Variants in CHRNA4 observed in about 807,000 individuals in gnomAD.
CHRNA4 encodes the protein neuronal acetylcholine receptor subunit alpha-4.
A neutral mutation model predicts 48.9 loss-of-function variants in CHRNA4; 28 were observed. The observed-to-expected ratio is 0.57, with a 90% CI of 0.42 to 0.79. CHRNA4 has a LOEUF of 0.79. Ranked by LOEUF, CHRNA4 falls within the 30% of genes least tolerant of loss-of-function variation. The pLI is 0.00. For missense variants in CHRNA4, 859 were observed against 898.4 expected, an observed-to-expected ratio of 0.96 and a Z score of 0.56; for synonymous variants, 425 against 402.3, an observed-to-expected ratio of 1.06 and a Z score of -0.68.
intron 4 of CHRNA4, among the ~76,000 whole-genome samples, chr20:63,353,503 G>T (rs1356795471): frequency 8.0e-6 from 1 of 125,376 alleles, no homozygotes; most frequent in Non-Finnish European, 1.8e-5. Flanking sequence ...GGTCCTAGGG[G>T]GGGCTGCGGT....
Position 63,346,879 on chromosome 20 carries a change from C to T in CHRNA4, c.1759-16G>A, listed in dbSNP as rs1379659753. On this transcript the variant is annotated splice_polypyrimidine_tract_variant and intron_variant, in intron 5 of 5. Coordinates refer to ENST00000370263, the MANE Select transcript of CHRNA4 (RefSeq NM_000744.7). The stretch of plus-strand genomic sequence containing the variant: ...CCTCCTTCACCTGCAAGCACAGACG[C>T]CGTCACTCCAGCACGGCCCGGCCGC... The T allele has an allele frequency of 1.9e-6, 3 of 1,612,122 alleles. No homozygotes were observed. Among genetic ancestry groups the T allele is most frequent in the Non-Finnish European group, 2.5e-6 (3 of 1,179,562 alleles).
intron 2 of CHRNA4, among the ~76,000 whole-genome samples, chr20:63,357,806 C>T (rs565796976): frequency 2.6e-5 from 4 of 152,316 alleles, no homozygotes; most frequent in African/African-American, 4.8e-5. Context: ...TCAGCACCCA[C>T]GTGTGCATGT....
In CHRNA4 at chr20:63,361,186, T is replaced by C. The variant is rs2068814994; in HGVS notation, c.-21A>G. ...TCCATGGCGCACGCACCTCGCGGGCTCTAGATGCGGGCGGCTCCCGGCTCC... is the reference window on the plus strand; with the variant it reads ...TCCATGGCGCACGCACCTCGCGGGCCCTAGATGCGGGCGGCTCCCGGCTCC... On this transcript the variant is annotated 5_prime_UTR_variant, in exon 1 of 6. Coordinates refer to ENST00000370263, the MANE Select transcript of CHRNA4 (RefSeq NM_000744.7). The C allele has an allele frequency of 2.1e-6, 3 of 1,460,348 alleles. No homozygotes were observed. Among genetic ancestry groups the C allele is most frequent in the African/African-American group, 1.5e-5 (1 of 67,658 alleles). 90.5% of individuals were successfully genotyped at this position (1,460,348 alleles called of 1,614,324 possible).
chr20:63,350,727 C>G lies in CHRNA4; in HGVS notation c.684G>C (p.Glu228Asp). 1 of 1,613,724 alleles carries G rather than the reference C, an allele frequency of 6.2e-7. No homozygotes were observed. Among genetic ancestry groups the G allele is most frequent in the Non-Finnish European group, 8.5e-7 (1 of 1,179,960 alleles). ...AGGCATAGGTGATGTCCGGGTAGAT[C>G]TCGGCACAGCACTCGTACTTCCTGG... ...YNTRKYECCA[E>D]IYPDITYAFV... The change falls in exon 5 of 6, where the codon GAG (glutamate) becomes GAC (aspartate). Residue 228 changes from glutamate to aspartate, a missense_variant. Around this residue, in one of 3 missense-constraint regions of CHRNA4, gnomAD observed 342 missense variants for 365.3 expected, o/e 0.94. Transcript: ENST00000370263.
rs1368110158 is a variant in CHRNA4 at position 63,356,362 on chromosome 20, C to G, written c.273+9G>C. The G allele has an allele frequency of 6.3e-7, 1 of 1,582,802 alleles. No homozygotes were observed. Among genetic ancestry groups the G allele is most frequent in the Non-Finnish European group, 8.6e-7 (1 of 1,163,910 alleles). On this transcript the variant is annotated intron_variant, in intron 3 of 5. Coordinates refer to ENST00000370263, the MANE Select transcript of CHRNA4 (RefSeq NM_000744.7). Reference sequence around the variant, plus strand: ...CAGGGGTGGGGCAGGGCAGTGCCCTCCCACTCACCTGCTTCACCCATACGT... The same window carrying G: ...CAGGGGTGGGGCAGGGCAGTGCCCTGCCACTCACCTGCTTCACCCATACGT...
Position 63,343,757 on chromosome 20 carries a change from C to T in CHRNA4, c.*2981G>A, listed in dbSNP as rs751826040. ...ATGGCGCAAGCAGCCGCAGAGGGGC[C>T]GGCGCCCCGGCAGGCTTCGAGCTGC... On this transcript the variant is annotated 3_prime_UTR_variant, in exon 6 of 6. Coordinates refer to ENST00000370263, the MANE Select transcript of CHRNA4 (RefSeq NM_000744.7). 1 of 452,886 alleles carries T rather than the reference C, an allele frequency of 2.2e-6. No homozygotes were observed. The highest frequency in any genetic ancestry group is 1.6e-5 in the South Asian group (1 of 64,418). The allele number at this position is 452,886 out of a possible 1,614,324, so 28.1% of individuals were successfully genotyped here. A position where few individuals can be genotyped will look rare whatever the true frequency, so the allele number is the denominator to read the frequency against.
intron 5 of CHRNA4, 144 bp downstream of exon 5, chr20:63,349,509 C>A: frequency 9.1e-7 from 1 of 1,100,002 alleles, no homozygotes; most frequent in Non-Finnish European, 1.3e-6. Context: ...GAAGAGGCTG[C>A]TGCAGCAGGG....
chr20:63,347,457 G>C (rs772465988), intron 5 of CHRNA4, among the ~76,000 whole-genome samples: 66 of 152,232 alleles, frequency 4.3e-4, no homozygotes, highest in Non-Finnish European at 9.1e-4. Flanking sequence ...ATATCTGAAC[G>C]GGGACAGCGG....
At position 63,349,998 on chromosome 20, in the gene CHRNA4, C is replaced by A. The variant is rs2068560582; in HGVS notation, c.1413G>T (p.Met471Ile). 1.3e-6 allele frequency: 2 copies of A among 1,546,570 alleles called. No individual in the cohort carries two copies. Among genetic ancestry groups the A allele is most frequent in the South Asian group, 2.4e-5 (2 of 81,982 alleles). ...AKARSLSVQH[M>I]SSPGEAVEGG... ...CTTCCACCGCTTCGCCAGGGCTGGA[C>A]ATGTGCTGGACGCTGAGGGACCTGG... is the stretch of plus-strand genomic sequence containing the variant. Residue 471 changes from methionine (M) to isoleucine (I), a missense_variant, in exon 5 of 6, where the codon ATG (methionine) becomes ATT (isoleucine). Physicochemically the swap from Met to Ile is conservative, Grantham distance 10. Coordinates refer to ENST00000370263, the MANE Select transcript of CHRNA4 (RefSeq NM_000744.7).
rs201983826 is a variant in CHRNA4, at chr20:63,345,042, C to T, written c.*1696G>A. The T allele has an allele frequency of 2.2e-6, 1 of 452,730 alleles. No homozygotes were observed. The highest frequency in any genetic ancestry group is 4.4e-6 in the Non-Finnish European group (1 of 225,724). The allele number at this position is 452,730 out of a possible 1,614,324, so 28.0% of individuals were successfully genotyped here. On this transcript the variant is annotated 3_prime_UTR_variant, in exon 6 of 6. Coordinates refer to ENST00000370263, the MANE Select transcript of CHRNA4 (RefSeq NM_000744.7). This position sits in a 1 kb window ranked among gnomAD's most constrained non-coding sequence, Gnocchi z 5.4. ...GGGGTGACCAGCAGCAGTTCAGAGG[C>T]AGGTGTGGGCAATGTGGGCCTGAGT...
intron 2 of CHRNA4, 161 bp downstream of exon 2, chr20:63,359,386 GC>G: frequency 1.1e-6 from 1 of 881,132 alleles, no homozygotes; most frequent in Non-Finnish European, 1.8e-6. Flanking sequence ...TGGGGCTCAG[GC>G]GGGGCAGAGC....
chr20:63,346,979 C>T, intron 5 of CHRNA4, 116 bp from the exon 6 acceptor site: 2 of 1,494,828 alleles, frequency 1.3e-6, no homozygotes, highest in South Asian at 1.1e-5. Flanking sequence ...CCACCCGAGG[C>T]AGCCATTGCT....
At chr20:63,360,594 C>T (rs1049085386) in intron 1 of CHRNA4, among the ~76,000 whole-genome samples, 2 of 151,798 alleles carry the variant, frequency 1.3e-5, no homozygotes, top group African/African-American at 2.4e-5. Flanking sequence ...GGGGAGGGGT[C>T]AGTTCTACAC....
At chr20:63,348,785 C>G (rs1044261235) in intron 5 of CHRNA4, among the ~76,000 whole-genome samples, 2 of 137,586 alleles carry the variant, frequency 1.5e-5, no homozygotes, top group African/African-American at 5.3e-5. Flanking sequence ...TGGACCCTGG[C>G]CCCTGTGCCT....
Position 63,361,143 on chromosome 20 carries a change from G to A in CHRNA4, c.23C>T (p.Ala8Val). ...CAGCAGCGGCGGCAGCAGCCGCGGCGCTCCGGGGCCCCCTAGCTCCATGGC... is the reference window on the plus strand; with the variant it reads ...CAGCAGCGGCGGCAGCAGCCGCGGCACTCCGGGGCCCCCTAGCTCCATGGC... MELGGPG[A>V]PRLLPPLLLL... is the part of the protein sequence containing the mutation. The change falls in exon 1 of 6, where the codon GCG becomes GTG. Residue 8 changes from alanine (A) to valine (V), a missense_variant. Ala to Val is a moderately conservative substitution (Grantham distance 64). Around this residue, in one of 3 missense-constraint regions of CHRNA4, gnomAD observed 342 missense variants for 365.3 expected, o/e 0.94. Coordinates refer to ENST00000370263, the MANE Select transcript of CHRNA4 (RefSeq NM_000744.7). The A allele has an allele frequency of 6.8e-7, 1 of 1,478,490 alleles. No homozygotes were observed. Among genetic ancestry groups the A allele is most frequent in the Admixed American group, 2.3e-5 (1 of 43,948 alleles). 91.6% of individuals were successfully genotyped at this position (1,478,490 alleles called of 1,614,324 possible). A position where few individuals can be genotyped will look rare whatever the true frequency, so the allele number is the denominator to read the frequency against.
intron 2 of CHRNA4, 125 bp downstream of exon 2, chr20:63,359,423 G>A: frequency 7.9e-7 from 1 of 1,260,834 alleles, no homozygotes; most frequent in South Asian, 1.3e-5. Context: ...TGACGTACCA[G>A]CCCGGGCCGG....
Position 63,346,724 on chromosome 20 carries a change from C to A in CHRNA4, c.*14G>T. The A allele has an allele frequency of 6.2e-7, 1 of 1,603,282 alleles. No homozygotes were observed. The highest frequency in any genetic ancestry group is 8.5e-7 in the Non-Finnish European group (1 of 1,177,816). On this transcript the variant is annotated 3_prime_UTR_variant, in exon 6 of 6. Transcript: ENST00000370263. Reference sequence around the variant, plus strand: ...GCACGGCAGCCCCAGGCCACGCAGGCTCCCGGTCCCTTCCTAGATCATGCC... The same window carrying A: ...GCACGGCAGCCCCAGGCCACGCAGGATCCCGGTCCCTTCCTAGATCATGCC...
rs199644357 is a variant in CHRNA4, at chr20:63,345,685, C to T, written c.*1053G>A. 8 of 453,816 alleles carry T rather than the reference C, an allele frequency of 1.8e-5. No homozygotes were observed. Among genetic ancestry groups the T allele is most frequent in the Non-Finnish European group, 3.1e-5 (7 of 226,676 alleles). 28.1% of individuals were successfully genotyped at this position (453,816 alleles called of 1,614,324 possible). On this transcript the variant is annotated 3_prime_UTR_variant, in exon 6 of 6. Transcript: ENST00000370263. The surrounding 1 kb of genome is among the most constrained non-coding windows in gnomAD (Gnocchi z 5.4). ...CTTCCTGCCCCGAGGGTCCCAGCAT[C>T]TCCCAGGTGGAGGTCCTCAAGGATG...
chr20:63,349,038 G>T (rs895953845), intron 5 of CHRNA4, among the ~76,000 whole-genome samples: 1 of 152,086 alleles, frequency 6.6e-6, no homozygotes, highest in African/African-American at 2.4e-5. Flanking sequence ...GCCCCGGGGG[G>T]CCTTAGCCGT....
Sources: gnomAD v4.1 joint callset for allele counts (sites outside exome capture counted in the v4.1 genomes callset) on GRCh38, gnomAD v4.1.1 for gene constraint, gnomAD v4.1.1 regional missense constraint, Gnocchi (gnomAD v3.1) non-coding constraint, MANE v1.5 for transcripts, NCBI Gene and HGNC (gene_info 2026-07-23, HGNC 2026-07-21) for gene names.